The following IFT81 variants were observed in gnomAD, a reference collection of about 807,000 sequenced individuals.
IFT81 encodes intraflagellar transport 81, also known as intraflagellar transport protein 81 homolog.
Under a neutral mutation model 102.6 loss-of-function variants are expected in IFT81, and 72 were observed. The ratio of observed to expected loss-of-function variants is 0.70; its 90% CI spans 0.58 to 0.85. The LOEUF (loss-of-function observed/expected upper bound fraction) is 0.85. Among genes scored for constraint, IFT81 ranks in the 40% least tolerant of loss-of-function variants. The probability of loss-of-function intolerance (pLI) is 0.00; values close to 1 mark genes in which losing one functional copy is unlikely to be tolerated. For missense variants in IFT81, 723 were observed against 787.3 expected (o/e 0.92, Z 0.98); for synonymous variants, 237 against 242.7 (o/e 0.98, Z 0.22).
chr12:110,176,803 A>G (rs1897054299), intron 11 of IFT81, among the ~76,000 whole-genome samples: 2 of 152,280 alleles, frequency 1.3e-5, no homozygotes, highest in Non-Finnish European at 2.9e-5. Flanking sequence ...ACCAATCAGC[A>G]TAGAACACAC....
At chr12:110,215,324 C>CGGTGTCGGTACAG (rs1414772422) in intron 18 of IFT81, among the ~76,000 whole-genome samples, 1 of 151,822 alleles carries the variant, frequency 6.6e-6, no homozygotes, top group Non-Finnish European at 1.5e-5. Context: ...CAGATATTTC[C>CGGTGTCGGTACAG]AACACACTGC....
At chr12:110,166,650 T>C (rs75774012) in intron 11 of IFT81, among the ~76,000 whole-genome samples, 3,183 of 151,772 alleles carry the variant, frequency 0.021, 136 homozygotes, top group African/African-American at 0.073. Flanking sequence ...GTTACACAGT[T>C]AGCATGTAAG....
chr12:110,142,181 A>C (rs1312935339), intron 8 of IFT81, among the ~76,000 whole-genome samples: 1 of 152,070 alleles, frequency 6.6e-6, no homozygotes. Flanking sequence ...TGTTTTTTTG[A>C]GACAGAGTCT....
chr12:110,189,793 A>T (rs1255388578), intron 12 of IFT81, among the ~76,000 whole-genome samples: 1 of 152,174 alleles, frequency 6.6e-6, no homozygotes, highest in Non-Finnish European at 1.5e-5. Context: ...TCCTCTCAAC[A>T]AATGGAAACT....
At chr12:110,132,792 C>G (rs1894249154) in intron 5 of IFT81, among the ~76,000 whole-genome samples, 156 bp downstream of exon 5, 1 of 152,054 alleles carries the variant, frequency 6.6e-6, no homozygotes, top group African/African-American at 2.4e-5. Context: ...TAGTTCCTTA[C>G]TGATGAAATT....
In IFT81 at chr12:110,215,789, A is replaced by G. The variant is rs138295510; in HGVS notation, c.1849-2255A>G. On this transcript the variant is annotated intron_variant, in intron 18 of 18. Transcript: ENST00000242591. ...CCTCAATTTGCCATAATATAGAACT[A>G]AAGTATATTTTTGTAATTTATTGAA... 6.9e-3 allele frequency among the ~76,000 whole-genome samples: 1,046 copies of G among 152,096 alleles called. 1 individual carries two copies. The highest frequency in any genetic ancestry group is 9.4e-3 in the Non-Finnish European group (642 of 67,990).
At chr12:110,206,028 C>G (rs537452808) in intron 17 of IFT81, among the ~76,000 whole-genome samples, 22 of 152,306 alleles carry the variant, frequency 1.4e-4, no homozygotes, top group South Asian at 2.1e-4. Flanking sequence ...AACAAAAACT[C>G]TTGTAACCAT....
intron 12 of IFT81, among the ~76,000 whole-genome samples, chr12:110,185,650 A>G (rs1897497134): frequency 6.6e-6 from 1 of 152,286 alleles, no homozygotes; most frequent in South Asian, 2.1e-4. Flanking sequence ...TCTGTTGCCC[A>G]GGCTGGAATG....
intron 9 of IFT81, among the ~76,000 whole-genome samples, chr12:110,144,780 G>A (rs1367941936): frequency 2.0e-5 from 3 of 151,800 alleles, no homozygotes; most frequent in African/African-American, 7.3e-5. Context: ...AAAGTGCTGG[G>A]ATTACAGGTG....
At chr12:110,132,095 G>A (rs1216234766) in intron 4 of IFT81, among the ~76,000 whole-genome samples, 1 of 152,154 alleles carries the variant, frequency 6.6e-6, no homozygotes, top group Non-Finnish European at 1.5e-5. Context: ...AATGTATAAG[G>A]ATGTGTTTTT....
rs1478299641 is a variant in IFT81, at chr12:110,146,959, G to A, written c.952G>A (p.Glu318Lys). Residue 318 changes from glutamate (E) to lysine (K), a missense_variant, in exon 10 of 19, where the codon GAA becomes AAA. Coordinates refer to ENST00000242591, the MANE Select transcript of IFT81 (RefSeq NM_014055.4). The stretch of plus-strand genomic sequence containing the variant: ...TGCTTTCATGCTATTTTAGATAAAT[G>A]AAATAAACACAGAAATTAACCAGTT... ...DLLELESKINEINTEINQLIE... is the reference protein window; with the variant it reads ...DLLELESKINKINTEINQLIE... 1.5e-5 allele frequency: 24 copies of A among 1,598,306 alleles called. No individual in the cohort carries two copies. Among genetic ancestry groups the A allele is most frequent in the Non-Finnish European group, 2.0e-5 (23 of 1,173,012 alleles).
rs1375710127 is a variant in IFT81, at chr12:110,174,304, A to AT, written c.1189-6118_1189-6117insT. ...AAAAAAAAAAAAAAAAAAAAAAAAA[A>AT]AAATTAGCCGGGTGTGGTGGTGTGC... On this transcript the variant is annotated intron_variant, in intron 11 of 18. Coordinates refer to ENST00000242591, the MANE Select transcript of IFT81 (RefSeq NM_014055.4). Among the ~76,000 whole-genome samples the AT allele has an allele frequency of 2.9e-3, 409 of 139,032 alleles. 6 individuals are homozygous for AT. The highest frequency in any genetic ancestry group is 5.0e-3 in the Non-Finnish European group (318 of 63,638). 91.2% of individuals were successfully genotyped at this position (139,032 alleles called of 152,430 possible).
intron 8 of IFT81, among the ~76,000 whole-genome samples, chr12:110,142,726 C>CA (rs1413690040): frequency 1.1e-3 from 170 of 149,452 alleles, no homozygotes; most frequent in African/African-American, 3.9e-3. Context: ...CTCGTCTCTA[C>CA]AAAAAAAAAT....
At chr12:110,137,561 C>T (rs1174860121) in intron 8 of IFT81, among the ~76,000 whole-genome samples, 1 of 151,956 alleles carries the variant, frequency 6.6e-6, no homozygotes, top group Non-Finnish European at 1.5e-5. Flanking sequence ...TGGTGAAACC[C>T]TGTTTCTACT....
chr12:110,202,170 T>C (rs1165416177), intron 14 of IFT81, among the ~76,000 whole-genome samples: 1 of 152,204 alleles, frequency 6.6e-6, no homozygotes, highest in Non-Finnish European at 1.5e-5. Flanking sequence ...ACTATGGCAT[T>C]ATGATGCCTA....
At chr12:110,197,370 G>A (rs972963157) in intron 14 of IFT81, among the ~76,000 whole-genome samples, 5 of 150,272 alleles carry the variant, frequency 3.3e-5, no homozygotes, top group African/African-American at 1.2e-4. Context: ...TCTCATTTAT[G>A]TTTACTCTAA....
intron 14 of IFT81, among the ~76,000 whole-genome samples, chr12:110,193,780 T>A (rs1027103254): frequency 3.3e-5 from 5 of 152,172 alleles, no homozygotes; most frequent in Admixed American, 1.3e-4. Flanking sequence ...GATACTTGCA[T>A]TTTTTTCTAA....
chr12:110,143,597 C>G, intron 9 of IFT81, 52 bp downstream of exon 9: 1 of 1,418,576 alleles, frequency 7.0e-7, no homozygotes, highest in Non-Finnish European at 9.5e-7. Flanking sequence ...ATCCCCAGTC[C>G]TATAAAATTA....
intron 14 of IFT81, among the ~76,000 whole-genome samples, 163 bp downstream of exon 14, chr12:110,192,869 C>T (rs1015671866): frequency 2.4e-4 from 37 of 152,100 alleles, no homozygotes; most frequent in African/African-American, 8.5e-4. Context: ...AGAATTAAAA[C>T]ATGACATACA....
Sources: gnomAD v4.1 joint callset for allele counts (sites outside exome capture counted in the v4.1 genomes callset) on GRCh38, gnomAD v4.1.1 for gene constraint, MANE v1.5 for transcripts, NCBI Gene and HGNC (gene_info 2026-07-23, HGNC 2026-07-21) for gene names.